SORCS2: variants seen among roughly 807,000 people sequenced by gnomAD.
SORCS2 encodes sortilin related VPS10 domain containing receptor 2.
SORCS2 carries 100 observed loss-of-function variants against 141.6 expected under a neutral mutation model. That is an observed-to-expected ratio of 0.71 (90% CI 0.60 to 0.83). The LOEUF (loss-of-function observed/expected upper bound fraction) is 0.83, where lower values mean the gene tolerates loss of function less well. Ranked by LOEUF, SORCS2 falls within the 40% of genes least tolerant of loss-of-function variation. The pLI is 0.00. For missense variants in SORCS2, 1,646 were observed against 1,560.2 expected (o/e 1.05, Z -0.93); for synonymous variants, 789 against 676.9 (o/e 1.17, Z -2.57).
chr4:7,420,058 G>C (rs1364910231), intron 2 of SORCS2, among the ~76,000 whole-genome samples: 2 of 152,212 alleles, frequency 1.3e-5, no homozygotes, highest in Non-Finnish European at 2.9e-5. Context: ...GGGGAGACAA[G>C]AGAGCATGGA....
chr4:7,395,117 T>C (rs1344615697), intron 1 of SORCS2, among the ~76,000 whole-genome samples: 2 of 140,462 alleles, frequency 1.4e-5, no homozygotes, highest in Non-Finnish European at 3.0e-5. Context: ...GGCCTCGCTT[T>C]TTTAAATCAT....
At chr4:7,518,901 AC>A (rs2109495833) in intron 2 of SORCS2, among the ~76,000 whole-genome samples, 1 of 152,246 alleles carries the variant, frequency 6.6e-6, no homozygotes, top group South Asian at 2.1e-4. Context: ...ACAGTGAGGA[AC>A]AACACAGTGC....
At chr4:7,475,022 C>T (rs1730204875) in intron 2 of SORCS2, among the ~76,000 whole-genome samples, 2 of 152,170 alleles carry the variant, frequency 1.3e-5, no homozygotes, top group South Asian at 2.1e-4. Context: ...GGACACCCAG[C>T]CTTGGACTTA....
chr4:7,593,220 T>C (rs561253379), intron 3 of SORCS2, among the ~76,000 whole-genome samples: 2 of 152,296 alleles, frequency 1.3e-5, no homozygotes, highest in Admixed American at 1.3e-4. Flanking sequence ...AGGCTTCTTA[T>C]GGCCAGTGGA....
intron 2 of SORCS2, among the ~76,000 whole-genome samples, chr4:7,502,667 C>A (rs1230619239): frequency 2.6e-5 from 4 of 152,206 alleles, no homozygotes; most frequent in African/African-American, 9.6e-5. Flanking sequence ...ATGCAGAGAA[C>A]GGGCGTGACT....
intron 2 of SORCS2, among the ~76,000 whole-genome samples, chr4:7,487,377 G>T (rs7693926): frequency 0.4 from 60,857 of 152,166 alleles, 12,833 homozygotes; most frequent in Middle Eastern, 0.47. Flanking sequence ...TCCTGGATAA[G>T]GCTGTGACTC....
intron 3 of SORCS2, among the ~76,000 whole-genome samples, chr4:7,601,045 C>G (rs959350937): frequency 3.3e-5 from 5 of 152,150 alleles, no homozygotes; most frequent in African/African-American, 1.2e-4. Context: ...GCCACCATGC[C>G]TGGCTAATTT....
intron 3 of SORCS2, among the ~76,000 whole-genome samples, chr4:7,532,173 C>G (rs1344952642): frequency 6.6e-6 from 1 of 152,178 alleles, no homozygotes; most frequent in African/African-American, 2.4e-5. Flanking sequence ...GTGAGAAGAG[C>G]CCTCCTGCAA....
intron 1 of SORCS2, among the ~76,000 whole-genome samples, chr4:7,216,692 C>T (rs547452639): frequency 8.5e-5 from 13 of 152,262 alleles, no homozygotes; most frequent in African/African-American, 2.9e-4. Flanking sequence ...CTTTTAAGGA[C>T]CCTCCTAATG....
intron 3 of SORCS2, among the ~76,000 whole-genome samples, chr4:7,624,707 C>T (rs1251826865): frequency 2.6e-5 from 4 of 152,232 alleles, no homozygotes; most frequent in African/African-American, 4.8e-5. Flanking sequence ...GTTAATGCAA[C>T]CATCCTGATA....
chr4:7,454,076 G>T, intron 2 of SORCS2, among the ~76,000 whole-genome samples: 1 of 128,992 alleles, frequency 7.8e-6, no homozygotes, highest in Non-Finnish European at 1.6e-5. Flanking sequence ...GTGTGTTGGG[G>T]TCAGGTGCTG....
intron 1 of SORCS2, among the ~76,000 whole-genome samples, chr4:7,324,785 GAA>G (rs921453719): frequency 9.9e-5 from 15 of 152,216 alleles, no homozygotes. Context: ...AGCCAGGGGT[GAA>G]AAAGACACAA....
In SORCS2 at chr4:7,555,262, A is replaced by G. The variant is rs1714024388; in HGVS notation, c.648+23633A>G. On this transcript the variant is annotated intron_variant, in intron 3 of 26. Coordinates refer to ENST00000507866, the MANE Select transcript of SORCS2 (RefSeq NM_020777.3). ...GTCTTGTTTTAATGGCCACTTTCCCAAAGAGCAGTTAGGTGCAATCGCTGT... is the reference window on the plus strand; with the variant it reads ...GTCTTGTTTTAATGGCCACTTTCCCGAAGAGCAGTTAGGTGCAATCGCTGT... Among the ~76,000 whole-genome samples the G allele has an allele frequency of 3.9e-5, 6 of 152,224 alleles. No homozygotes were observed. In the South Asian group the frequency reaches 1.0e-3, roughly 26 times the overall value.
At chr4:7,298,300 G>C (rs533465778) in intron 1 of SORCS2, among the ~76,000 whole-genome samples, 1 of 152,304 alleles carries the variant, frequency 6.6e-6, no homozygotes, top group East Asian at 1.9e-4. Flanking sequence ...CAGCAGGGGT[G>C]AGTGAGGAAG....
intron 2 of SORCS2, among the ~76,000 whole-genome samples, chr4:7,489,896 A>G (rs1431056616): frequency 6.6e-6 from 1 of 152,114 alleles, no homozygotes; most frequent in Non-Finnish European, 1.5e-5. Context: ...AGCCACAAGG[A>G]GGGGCATTCC....
chr4:7,291,716 C>T (rs1187643547), intron 1 of SORCS2, among the ~76,000 whole-genome samples: 1 of 152,188 alleles, frequency 6.6e-6, no homozygotes, highest in East Asian at 1.9e-4. Flanking sequence ...CCAGCAAGTC[C>T]TGTGGGCCCA....
At chr4:7,656,029 C>G (rs1484629429) in intron 5 of SORCS2, among the ~76,000 whole-genome samples, 1 of 152,246 alleles carries the variant, frequency 6.6e-6, no homozygotes, top group Non-Finnish European at 1.5e-5. Context: ...GCCCTGGGAT[C>G]TCTCCTGGAG....
chr4:7,649,385 G>A (rs1721293294), intron 4 of SORCS2, among the ~76,000 whole-genome samples: 1 of 151,738 alleles, frequency 6.6e-6, no homozygotes, highest in Non-Finnish European at 1.5e-5. Flanking sequence ...GTGAGGGTGT[G>A]GGCTTTTTTG....
At chr4:7,570,384 G>A (rs73214671) in intron 3 of SORCS2, among the ~76,000 whole-genome samples, 2,371 of 152,310 alleles carry the variant, frequency 0.016, 32 homozygotes, top group Middle Eastern at 0.041. Flanking sequence ...TCCCACTCCC[G>A]CTGCCAGAGG....
Sources: gnomAD v4.1 joint callset for allele counts (sites outside exome capture counted in the v4.1 genomes callset) on GRCh38, gnomAD v4.1.1 for gene constraint, MANE v1.5 for transcripts, NCBI Gene and HGNC (gene_info 2026-07-23, HGNC 2026-07-21) for gene names.